Variants in ADCY2 observed in about 807,000 individuals in gnomAD.
ADCY2 encodes adenylate cyclase 2, also known as adenylate cyclase type 2.
A neutral mutation model predicts 125.2 loss-of-function variants in ADCY2; 31 were observed. The observed-to-expected ratio is 0.25, with a 90% confidence interval of 0.19 to 0.33. The LOEUF (loss-of-function observed/expected upper bound fraction) is 0.33, where lower values mean the gene tolerates loss of function less well. ADCY2 is among the 10% of genes least tolerant of loss of function. ADCY2 has a pLI of 1.00. For missense variants in ADCY2, 904 were observed against 1,418.2 expected (o/e 0.64, Z 5.82); for synonymous variants, 512 against 548.4 (o/e 0.93, Z 0.93).
At chr5:7,414,105 C>A (rs1256794282) in intron 1 of ADCY2, among the ~76,000 whole-genome samples, 1 of 152,130 alleles carries the variant, frequency 6.6e-6, no homozygotes, top group Non-Finnish European at 1.5e-5. Flanking sequence ...AATTGCCATG[C>A]ATTAAAATAA....
At chr5:7,667,596 T>C (rs928402770) in intron 4 of ADCY2, among the ~76,000 whole-genome samples, 2 of 152,236 alleles carry the variant, frequency 1.3e-5, no homozygotes, top group African/African-American at 4.8e-5. Flanking sequence ...TCTGTCGGAA[T>C]GAATACATTC....
intron 3 of ADCY2, among the ~76,000 whole-genome samples, chr5:7,601,155 C>T (rs747540551): frequency 3.9e-5 from 6 of 152,134 alleles, no homozygotes; most frequent in Non-Finnish European, 7.4e-5. Flanking sequence ...GGGTGAAGGA[C>T]GGAGCCACGT....
chr5:7,817,068 T>C, intron 23 of ADCY2, 88 bp downstream of exon 23: 1 of 989,004 alleles, frequency 1.0e-6, no homozygotes, highest in Non-Finnish European at 1.6e-6. Flanking sequence ...ATCCTTTCAG[T>C]GTTGGAGTAG....
intron 20 of ADCY2, chr5:7,793,937 G>A (rs948472251): frequency 2.0e-5 from 3 of 152,202 alleles, no homozygotes; most frequent in African/African-American, 7.2e-5. Context: ...GAATGAAAGA[G>A]CTTGGTTTCA....
chr5:7,714,126 G>C (rs1741525385), intron 11 of ADCY2, among the ~76,000 whole-genome samples: 1 of 152,170 alleles, frequency 6.6e-6, no homozygotes, highest in Non-Finnish European at 1.5e-5. Flanking sequence ...ATAATTAAGT[G>C]GCATATACTG....
At chr5:7,523,824 T>C (rs1170613447) in intron 3 of ADCY2, among the ~76,000 whole-genome samples, 1 of 152,222 alleles carries the variant, frequency 6.6e-6, no homozygotes, top group Non-Finnish European at 1.5e-5. Context: ...GATACTGGCC[T>C]GATATGAAGA....
intron 15 of ADCY2, among the ~76,000 whole-genome samples, chr5:7,755,433 T>C (rs1237891775): frequency 6.9e-6 from 1 of 143,990 alleles, no homozygotes; most frequent in Non-Finnish European, 1.5e-5. Flanking sequence ...TGGAAAGGAG[T>C]AGAGAGGAGG....
At chr5:7,607,943 A>G (rs535668109) in intron 3 of ADCY2, among the ~76,000 whole-genome samples, 1 of 152,316 alleles carries the variant, frequency 6.6e-6, no homozygotes, top group East Asian at 1.9e-4. Flanking sequence ...CAACACAGGT[A>G]GCATCCATCC....
At position 7,520,118 on chromosome 5, in the gene ADCY2, G is replaced by A. The variant is rs149548536; in HGVS notation, c.409-620G>A. Among the ~76,000 whole-genome samples, 32 of 152,262 alleles carry A rather than the reference G, an allele frequency of 2.1e-4. No homozygotes were observed. The East Asian group carries it at 5.0e-3, about 24-fold the overall frequency. ...AGGAAAATGATGTTATGAAATGGGT[G>A]TACATTTATCTGTTTCAGTACGTGT... On this transcript the variant is annotated intron_variant, in intron 2 of 24. Transcript: ENST00000338316.
intron 1 of ADCY2, among the ~76,000 whole-genome samples, chr5:7,402,230 G>A (rs968980600): frequency 3.3e-5 from 5 of 152,156 alleles, no homozygotes; most frequent in East Asian, 1.9e-4. Flanking sequence ...CCACATCTCC[G>A]TGCCTTATAT....
chr5:7,616,053 A>C (rs1448866593), intron 3 of ADCY2, among the ~76,000 whole-genome samples: 1 of 152,316 alleles, frequency 6.6e-6, no homozygotes, highest in Admixed American at 6.5e-5. Context: ...ATAATACTTA[A>C]GTTGCTATGA....
intron 3 of ADCY2, among the ~76,000 whole-genome samples, chr5:7,590,403 A>T (rs1051364514): frequency 6.6e-6 from 1 of 152,220 alleles, no homozygotes; most frequent in African/African-American, 2.4e-5. Flanking sequence ...TTACATTTAA[A>T]TGTTGGCTAT....
At chr5:7,589,484 A>AAGAAAGAAAG (rs1159049070) in intron 3 of ADCY2, among the ~76,000 whole-genome samples, 2 of 64,178 alleles carry the variant, frequency 3.1e-5, no homozygotes, top group African/African-American at 7.1e-5. Context: ...GAAAGAAAGA[A>AAGAAAGAAAG]AGAAAGAAAG....
chr5:7,823,715 G>T (rs2126543856), intron 24 of ADCY2, among the ~76,000 whole-genome samples: 1 of 152,292 alleles, frequency 6.6e-6, no homozygotes, highest in South Asian at 2.1e-4. Context: ...ATGCTTTCTA[G>T]ATCCCCTAGC....
At chr5:7,730,105 G>A (rs1198804174) in intron 14 of ADCY2, among the ~76,000 whole-genome samples, 2 of 152,040 alleles carry the variant, frequency 1.3e-5, no homozygotes, top group East Asian at 3.9e-4. Context: ...CCACAGCTTA[G>A]CTACCATTTA....
chr5:7,679,499 AGGAGGAG>A (rs1740252439), intron 4 of ADCY2, among the ~76,000 whole-genome samples: 2 of 152,192 alleles, frequency 1.3e-5, no homozygotes, highest in Non-Finnish European at 2.9e-5. Context: ...AAAGGAGGAC[AGGAGGAG>A]AGAAGCCAGT....
chr5:7,685,321 G>C (rs1740483162), intron 4 of ADCY2: 1 of 152,264 alleles, frequency 6.6e-6, no homozygotes, highest in African/African-American at 2.4e-5. Context: ...TTGAAGAGCT[G>C]TGCTCTTACA....
chr5:7,430,044 C>T (rs985860845), intron 2 of ADCY2, among the ~76,000 whole-genome samples: 1 of 152,070 alleles, frequency 6.6e-6, no homozygotes, highest in Non-Finnish European at 1.5e-5. Context: ...ATAGGTTCTA[C>T]AGACCTTAAA....
intron 22 of ADCY2, among the ~76,000 whole-genome samples, chr5:7,808,223 C>T (rs1032914193): frequency 1.3e-5 from 2 of 152,186 alleles, no homozygotes; most frequent in African/African-American, 4.8e-5. Flanking sequence ...CTGTCATTTT[C>T]AACTTTCCTG....
Sources: gnomAD v4.1 joint callset for allele counts (sites outside exome capture counted in the v4.1 genomes callset) on GRCh38, gnomAD v4.1.1 for gene constraint, MANE v1.5 for transcripts, NCBI Gene and HGNC (gene_info 2026-07-23, HGNC 2026-07-21) for gene names.